The following SEL1L3 variants were observed in gnomAD, a reference collection of about 807,000 sequenced individuals.
SEL1L3 encodes SEL1L family member 3.
SEL1L3 carries 76 observed loss-of-function variants against 142.8 expected under a neutral mutation model. The ratio of observed to expected loss-of-function variants is 0.53; its 90% CI spans 0.44 to 0.64. The LOEUF (loss-of-function observed/expected upper bound fraction) is 0.64, where lower values mean the gene tolerates loss of function less well. Among genes scored for constraint, SEL1L3 ranks in the 30% least tolerant of loss-of-function variants. SEL1L3 has a pLI of 0.00. For synonymous variants in SEL1L3, 504 were observed against 519.6 expected, an observed-to-expected ratio of 0.97 and a Z score of 0.41; for missense variants, 1,262 against 1,381.7, an observed-to-expected ratio of 0.91 and a Z score of 1.37.
intron 10 of SEL1L3, among the ~76,000 whole-genome samples, chr4:25,804,337 G>T (rs554525062): frequency 6.6e-6 from 1 of 152,306 alleles, no homozygotes; most frequent in African/African-American, 2.4e-5. Flanking sequence ...GGCCTGTCTA[G>T]AAATGGATGA....
intron 1 of SEL1L3, chr4:25,861,842 C>T (rs1198068512): frequency 6.6e-6 from 1 of 152,038 alleles, no homozygotes; most frequent in African/African-American, 2.4e-5. Flanking sequence ...GCAAGCAAGC[C>T]CTCAAAGGAA....
rs189110241 is a variant in SEL1L3, at chr4:25,833,557, T to C, written c.873A>G (p.Ser291=). Residue 291 remains serine, a synonymous_variant, in exon 4 of 24, where the codon TCA becomes TCG. Coordinates refer to ENST00000399878, the MANE Select transcript of SEL1L3 (RefSeq NM_015187.5). ...QRMDYPVFTV[S]LWLYLLHYCK... Reference sequence around the variant, plus strand: ...AATAATGGAGTAAATAAAGCCACAATGAAACAGTAAACCTATAAGAGTGAG... The same window carrying C: ...AATAATGGAGTAAATAAAGCCACAACGAAACAGTAAACCTATAAGAGTGAG... The C allele has an allele frequency of 1.1e-4, 182 of 1,611,506 alleles. No individual in the cohort carries two copies. The African/African-American group carries it at 2.3e-3, about 20-fold the overall frequency.
intron 9 of SEL1L3, among the ~76,000 whole-genome samples, chr4:25,811,748 G>GTTTTTTTT (rs60024973): frequency 6.6e-5 from 8 of 121,608 alleles, no homozygotes; most frequent in Non-Finnish European, 1.1e-4. Flanking sequence ...TTCTTTTCCT[G>GTTTTTTTT]TTTTTTTTTT....
chr4:25,790,692 G>C (rs868239243), intron 11 of SEL1L3, 118 bp from the exon 12 acceptor site: 1 of 102,078 alleles, frequency 9.8e-6, no homozygotes, highest in African/African-American at 4.3e-5. Context: ...GGGAGGGAGG[G>C]AGGGAGGGAA....
intron 1 of SEL1L3, among the ~76,000 whole-genome samples, chr4:25,859,815 C>A (rs1717569169): frequency 6.6e-6 from 1 of 152,214 alleles, no homozygotes; most frequent in Non-Finnish European, 1.5e-5. Context: ...TCTGGCTTTA[C>A]CTTTCTTCCC....
chr4:25,792,271 G>A (rs1712394885), intron 11 of SEL1L3, among the ~76,000 whole-genome samples: 1 of 152,050 alleles, frequency 6.6e-6, no homozygotes, highest in African/African-American at 2.4e-5. Flanking sequence ...CCAGTTTACA[G>A]GCCAAGAAAC....
At chr4:25,830,648 G>A (rs1000385019) in intron 5 of SEL1L3, among the ~76,000 whole-genome samples, 3 of 152,098 alleles carry the variant, frequency 2.0e-5, no homozygotes, top group Admixed American at 6.5e-5. Flanking sequence ...TTTTTGTCAT[G>A]AATGCTGTTA....
chr4:25,782,310 C>T lies in SEL1L3; in HGVS notation c.2389G>A (p.Asp797Asn). 6.2e-7 allele frequency: 1 copy of T among 1,613,938 alleles called. No homozygotes were observed. The highest frequency in any genetic ancestry group is 8.5e-7 in the Non-Finnish European group (1 of 1,179,816). ...WLKAEEMGNP[D>N]ASYNLGVLHL... ...AGGACTCCAAGATTGTATGACGCAT[C>T]TGGGTTCCCCATTTCTTCTGCTTTT... The change falls in exon 15 of 24, where the codon GAT becomes AAT. Residue 797 changes from aspartate to asparagine, a missense_variant. Asp to Asn is a conservative substitution (Grantham distance 23, BLOSUM62 1). Transcript: ENST00000399878.
intron 11 of SEL1L3, among the ~76,000 whole-genome samples, chr4:25,793,433 A>G (rs541467736): frequency 6.6e-6 from 1 of 152,018 alleles, no homozygotes; most frequent in Non-Finnish European, 1.5e-5. Flanking sequence ...ACAGGCATGC[A>G]CCACCAAGCC....
At chr4:25,810,309 C>T (rs933644524) in intron 9 of SEL1L3, among the ~76,000 whole-genome samples, 3 of 152,178 alleles carry the variant, frequency 2.0e-5, no homozygotes, top group Non-Finnish European at 1.5e-5. Flanking sequence ...TGTTCAGTGC[C>T]TTTGTGTCCT....
chr4:25,847,491 T>C lies in SEL1L3; in HGVS notation c.536A>G (p.His179Arg). The change falls in exon 2 of 24, where the codon CAC becomes CGC. Residue 179 changes from histidine (H) to arginine (R), a missense_variant. Physicochemically the swap from His to Arg is conservative, Grantham distance 29. Around this residue, in one of 3 missense-constraint regions of SEL1L3, gnomAD observed 689 missense variants for 692.8 expected, o/e 0.99. Coordinates refer to ENST00000399878, the MANE Select transcript of SEL1L3 (RefSeq NM_015187.5). ...SAVIVRAWIT[H>R]KYSGRDWNVK... ...ATTCCAGTCTCTGCCACTGTATTTGTGAGTAATCCAGGCGCGTACTATCAC... is the reference window on the plus strand; with the variant it reads ...ATTCCAGTCTCTGCCACTGTATTTGCGAGTAATCCAGGCGCGTACTATCAC... The C allele has an allele frequency of 6.2e-7, 1 of 1,614,050 alleles. No individual in the cohort carries two copies. Among genetic ancestry groups the C allele is most frequent in the Non-Finnish European group, 8.5e-7 (1 of 1,179,900 alleles).
chr4:25,857,854 A>G (rs935927634), intron 1 of SEL1L3, among the ~76,000 whole-genome samples: 5 of 152,210 alleles, frequency 3.3e-5, no homozygotes, highest in African/African-American at 1.2e-4. Context: ...GTTGGGGCTA[A>G]AATGCCATTA....
In SEL1L3 at chr4:25,790,377, T is replaced by G. The variant is rs1712206660; in HGVS notation, c.2076+78A>C. On this transcript the variant is annotated intron_variant, in intron 12 of 23. Coordinates refer to ENST00000399878, the MANE Select transcript of SEL1L3 (RefSeq NM_015187.5). ...GGCATTATTTTAAGCCACTGCAGTT[T>G]GAGATGTTTCATTACCACGGTATAA... 24 of 1,381,216 alleles carry G rather than the reference T, an allele frequency of 1.7e-5. No homozygotes were observed. In the South Asian group the frequency reaches 1.9e-4, roughly 11 times the overall value. 85.6% of individuals were successfully genotyped at this position (1,381,216 alleles called of 1,614,324 possible).
intron 8 of SEL1L3, among the ~76,000 whole-genome samples, chr4:25,818,526 C>T (rs988643455): frequency 6.6e-5 from 10 of 152,158 alleles, no homozygotes; most frequent in African/African-American, 2.4e-4. Flanking sequence ...GAGCAGCTGG[C>T]CTCTGACCGG....
At chr4:25,768,627 C>A (rs1432467162) in intron 17 of SEL1L3, among the ~76,000 whole-genome samples, 1 of 152,074 alleles carries the variant, frequency 6.6e-6, no homozygotes, top group East Asian at 1.9e-4. Context: ...GATTCTGTTG[C>A]CACGGAGTTC....
the SEL1L3 span, among the ~76,000 whole-genome samples, chr4:25,735,715 T>C: frequency 6.6e-6 from 1 of 151,942 alleles, no homozygotes; most frequent in Non-Finnish European, 1.5e-5. Flanking sequence ...TATTTTATTT[T>C]TTTTTCTTTT....
the SEL1L3 span, among the ~76,000 whole-genome samples, chr4:25,728,956 A>AAAT: frequency 1.3e-5 from 2 of 152,148 alleles, no homozygotes. Context: ...AACTCTTCAC[A>AAAT]AATACTACGT....
At chr4:25,789,457 T>C (rs1304894319) in intron 12 of SEL1L3, among the ~76,000 whole-genome samples, 1 of 151,944 alleles carries the variant, frequency 6.6e-6, no homozygotes, top group Non-Finnish European at 1.5e-5. Flanking sequence ...TGGTGGCACA[T>C]GCCTATAGTT....
chr4:25,769,997 G>A (rs1229544161), intron 17 of SEL1L3, among the ~76,000 whole-genome samples: 2 of 152,038 alleles, frequency 1.3e-5, no homozygotes, highest in African/African-American at 4.8e-5. Flanking sequence ...GCATGGTGGT[G>A]CATGCCTGTA....
Sources: gnomAD v4.1 joint callset for allele counts (sites outside exome capture counted in the v4.1 genomes callset) on GRCh38, gnomAD v4.1.1 for gene constraint, gnomAD v4.1.1 regional missense constraint, MANE v1.5 for transcripts, NCBI Gene and HGNC (gene_info 2026-07-23, HGNC 2026-07-21) for gene names.